The following KCNG4 variants were observed in gnomAD, a reference collection of about 807,000 sequenced individuals.
KCNG4 encodes the protein potassium voltage-gated channel modifier subfamily G member 4.
KCNG4 carries 30 observed loss-of-function variants against 28.2 expected under a neutral mutation model. The ratio of observed to expected loss-of-function variants is 1.06; its 90% CI spans 0.80 to 1.44. KCNG4 has a LOEUF of 1.44. KCNG4 is among the 40% of genes most tolerant of loss of function. KCNG4 has a pLI of 0.00. For synonymous variants in KCNG4, 375 were observed against 315.5 expected, an observed-to-expected ratio of 1.19 and a Z score of -2.00; for missense variants, 879 against 712.3, an observed-to-expected ratio of 1.23 and a Z score of -2.66.
At chr16:84,234,222 G>A (rs1904889778) in intron 2 of KCNG4, among the ~76,000 whole-genome samples, 1 of 152,172 alleles carries the variant, frequency 6.6e-6, no homozygotes, top group Admixed American at 6.5e-5. Context: ...TGCCCAGGCT[G>A]GAGTGCAGTG....
intron 2 of KCNG4, among the ~76,000 whole-genome samples, chr16:84,235,091 A>G (rs1368743680): frequency 6.6e-6 from 1 of 152,176 alleles, no homozygotes; most frequent in Admixed American, 6.5e-5. Context: ...TTGGCTGCGC[A>G]GGTCTGCGGG....
At chr16:84,234,483 T>C (rs762935927) in intron 2 of KCNG4, among the ~76,000 whole-genome samples, 4 of 152,128 alleles carry the variant, frequency 2.6e-5, no homozygotes, top group Non-Finnish European at 5.9e-5. Flanking sequence ...CCAGCCTCCA[T>C]TGTAATTTGC....
rs560149231 is a variant in KCNG4, at chr16:84,236,940, G to C, written c.546C>G (p.Asp182Glu). The C allele has an allele frequency of 6.2e-7, 1 of 1,613,560 alleles. No individual in the cohort carries two copies. Reference protein sequence around the residue: ...LEELAKLHREDVLRQQRETRR... With the variant: ...LEELAKLHREEVLRQQRETRR... ...GGGTCTCCCTCTGCTGCCTCAGTAC[G>C]TCCTCCCTGTGCAGCTTGGCCAGCT... Residue 182 changes from aspartate to glutamate, a missense_variant, in exon 2 of 3, where the codon GAC (aspartate) becomes GAG (glutamate). By Grantham distance (45) the Asp-to-Glu change is conservative. Transcript: ENST00000308251.
Position 84,229,206 on chromosome 16 carries a change from G to C in KCNG4, c.757-6186C>G, listed in dbSNP as rs1156819655. On this transcript the variant is annotated intron_variant, in intron 2 of 2. Coordinates refer to ENST00000308251, the MANE Select transcript of KCNG4 (RefSeq NM_172347.3). ...TCCGTTACTCGGGAGGCTGAGGCAT[G>C]AGAATCACTTGAACCCAGGAGGTTG... is the stretch of plus-strand genomic sequence containing the variant. Among the ~76,000 whole-genome samples the C allele has an allele frequency of 2.0e-5, 3 of 151,970 alleles. No homozygotes were observed. In the South Asian group the frequency reaches 6.3e-4, roughly 32 times the overall value.
chr16:84,233,228 G>C (rs183862808), intron 2 of KCNG4, among the ~76,000 whole-genome samples: 1 of 152,204 alleles, frequency 6.6e-6, no homozygotes, highest in African/African-American at 2.4e-5. Flanking sequence ...GGCTCAAGGA[G>C]GTTAAGTGAC....
chr16:84,237,803 A>T (rs1178687225), intron 1 of KCNG4, among the ~76,000 whole-genome samples: 2 of 152,162 alleles, frequency 1.3e-5, no homozygotes, highest in Admixed American at 6.5e-5. Context: ...GGCTTGAGTA[A>T]TTCAGTCCTG....
rs1365272586 is a variant in KCNG4 at position 84,226,346 on chromosome 16, C to G, written c.757-3326G>C. 6.6e-6 allele frequency among the ~76,000 whole-genome samples: 1 copy of G among 152,144 alleles called. No homozygotes were observed. The highest frequency in any genetic ancestry group is 1.5e-5 in the Non-Finnish European group (1 of 68,018). On this transcript the variant is annotated intron_variant, in intron 2 of 2. Coordinates refer to ENST00000308251, the MANE Select transcript of KCNG4 (RefSeq NM_172347.3). This position sits in a 1 kb window ranked among gnomAD's most constrained non-coding sequence, Gnocchi z 4.1. ...AAAGTGATCAGAACAGTGGCTGCCT[C>G]TGGGTAGTGTAGGGATGGCCTGTGA...
rs773192825 is a variant in KCNG4, at chr16:84,237,144, G to A, written c.342C>T (p.Asp114=). The change falls in exon 2 of 3, where the codon GAC becomes GAT. Residue 114 remains aspartate, a synonymous_variant. Coordinates refer to ENST00000308251, the MANE Select transcript of KCNG4 (RefSeq NM_172347.3). The part of the protein sequence containing the change: ...YDEDSQEFFF[D]RSPSAFGVIV... ...TCACCCCGAAGGCGCTGGGGCTCCTGTCGAAGAAGAACTCCTGGCTGTCCT... is the reference window on the plus strand; with the variant it reads ...TCACCCCGAAGGCGCTGGGGCTCCTATCGAAGAAGAACTCCTGGCTGTCCT... 3.7e-6 allele frequency: 6 copies of A among 1,614,154 alleles called. No homozygotes were observed. In the Admixed American group the frequency reaches 8.3e-5, roughly 22 times the overall value.
At chr16:84,233,739 G>A (rs1337350839) in intron 2 of KCNG4, among the ~76,000 whole-genome samples, 3 of 151,700 alleles carry the variant, frequency 2.0e-5, no homozygotes, top group Non-Finnish European at 4.4e-5. Context: ...GAGAAAGAAA[G>A]AGAAGGAAAG....
At chr16:84,224,852 T>C (rs1483695309) in intron 2 of KCNG4, among the ~76,000 whole-genome samples, 8 of 152,190 alleles carry the variant, frequency 5.3e-5, no homozygotes, top group African/African-American at 1.9e-4. Flanking sequence ...AATCAGGAAC[T>C]TTCTGTGCCC....
chr16:84,236,104 T>C (rs1026000147), intron 2 of KCNG4: 9 of 152,512 alleles, frequency 5.9e-5, no homozygotes, highest in Middle Eastern at 6.8e-3. Context: ...GCCCAGACAC[T>C]GAGCACTGCA....
chr16:84,237,363 G>T lies in KCNG4; in HGVS notation c.123C>A (p.Tyr41Ter), dbSNP rs371009755. The part of the protein sequence containing the change: ...METPSIKGLY[Y>*]RRVRKVGALD... ...GGGCACCCACCTTCCGCACCCTCCG[G>T]TAGTAAAGGCCCTTGATGGACGGCG... Residue 41 changes from tyrosine to a stop codon, truncating the protein, a stop_gained, in exon 2 of 3, where the codon TAC becomes TAA. Transcript: ENST00000308251. LOFTEE classifies it high-confidence loss of function. The T allele has an allele frequency of 7.7e-5, 119 of 1,553,528 alleles. 1 individual carries two copies. Among genetic ancestry groups the T allele is most frequent in the Non-Finnish European group, 1.0e-4 (115 of 1,151,536 alleles).
At position 84,237,381 on chromosome 16, in the gene KCNG4, G is replaced by A. The variant is rs1351221681; in HGVS notation, c.105C>T (p.Ser35=). The change falls in exon 2 of 3, where the codon TCC becomes TCT. Residue 35 remains serine, a synonymous_variant. Transcript: ENST00000308251. The stretch of plus-strand genomic sequence containing the variant: ...CCCTCCGGTAGTAAAGGCCCTTGAT[G>A]GACGGCGTCTCCATGGGGCTGGACA... ...QLLSSPMETP[S]IKGLYYRRVR... 2 of 1,537,714 alleles carry A rather than the reference G, an allele frequency of 1.3e-6. No homozygotes were observed. Among genetic ancestry groups the A allele is most frequent in the Non-Finnish European group, 8.7e-7 (1 of 1,143,914 alleles).
intron 2 of KCNG4, among the ~76,000 whole-genome samples, chr16:84,231,680 T>C (rs1420206826): frequency 1.3e-5 from 2 of 152,088 alleles, no homozygotes; most frequent in Non-Finnish European, 2.9e-5. Flanking sequence ...GGGGTAGACG[T>C]GACCTGCCCT....
rs1476316783 is a variant in KCNG4, at chr16:84,220,978, C to G, written c.*1239G>C. The G allele has an allele frequency of 2.6e-5, 4 of 152,432 alleles. No homozygotes were observed. The highest frequency in any genetic ancestry group is 9.6e-5 in the African/African-American group (4 of 41,452). 9.4% of individuals were successfully genotyped at this position (152,432 alleles called of 1,614,324 possible). A position where few individuals can be genotyped will look rare whatever the true frequency, so the allele number is the denominator to read the frequency against. On this transcript the variant is annotated 3_prime_UTR_variant, in exon 3 of 3. Coordinates refer to ENST00000308251, the MANE Select transcript of KCNG4 (RefSeq NM_172347.3). The stretch of plus-strand genomic sequence containing the variant: ...CAGCTTCATCTCCTAAAATACACCT[C>G]TACTCTCCAGCCCTGCCCATGTCTC...
chr16:84,234,339 ATT>A (rs990118223), intron 2 of KCNG4, among the ~76,000 whole-genome samples: 1 of 151,224 alleles, frequency 6.6e-6, no homozygotes, highest in Non-Finnish European at 1.5e-5. Flanking sequence ...CACCTGGCTA[ATT>A]TTTTTTTGTT....
Position 84,226,143 on chromosome 16 carries a change from T to G in KCNG4, c.757-3123A>C, listed in dbSNP as rs1360375376. Among the ~76,000 whole-genome samples, 1 of 151,988 alleles carries G rather than the reference T, an allele frequency of 6.6e-6. No individual in the cohort carries two copies. The highest frequency in any genetic ancestry group is 6.5e-5 in the Admixed American group (1 of 15,274). On this transcript the variant is annotated intron_variant, in intron 2 of 2. Coordinates refer to ENST00000308251, the MANE Select transcript of KCNG4 (RefSeq NM_172347.3). The surrounding 1 kb of genome is among the most constrained non-coding windows in gnomAD (Gnocchi z 4.1). ...AGCCCTTGCCACAGGCAGAGCGAGG[T>G]GTGTTCTGGCTCCTTCCTGCAATGA... is the stretch of plus-strand genomic sequence containing the variant.
At chr16:84,234,266 G>A (rs761497267) in intron 2 of KCNG4, among the ~76,000 whole-genome samples, 8 of 152,122 alleles carry the variant, frequency 5.3e-5, no homozygotes, top group Non-Finnish European at 1.0e-4. Flanking sequence ...CTCCACCTCC[G>A]GGTTCAAGCG....
At chr16:84,229,062 G>C (rs1219727841) in intron 2 of KCNG4, among the ~76,000 whole-genome samples, 1 of 152,064 alleles carries the variant, frequency 6.6e-6, no homozygotes, top group African/African-American at 2.4e-5. Context: ...ACTTCGGGAG[G>C]CTGAAGTGGG....
Sources: gnomAD v4.1 joint callset for allele counts (sites outside exome capture counted in the v4.1 genomes callset) on GRCh38, gnomAD v4.1.1 for gene constraint, Gnocchi (gnomAD v3.1) non-coding constraint, MANE v1.5 for transcripts, NCBI Gene and HGNC (gene_info 2026-07-23, HGNC 2026-07-21) for gene names.